Variants in PLEKHM3 observed in about 807,000 individuals in gnomAD.
PLEKHM3 encodes the protein pleckstrin homology domain-containing family M member 3.
Under a neutral mutation model 81.8 loss-of-function variants are expected in PLEKHM3, and 45 were observed. The ratio of observed to expected loss-of-function variants is 0.55; its 90% CI spans 0.43 to 0.71. PLEKHM3 has a LOEUF of 0.71. Ranked by LOEUF, PLEKHM3 falls within the 30% of genes least tolerant of loss-of-function variation. PLEKHM3 has a pLI of 0.00. For synonymous variants in PLEKHM3, 352 were observed against 356.4 expected (o/e 0.99, Z 0.14); for missense variants, 788 against 924.3 (o/e 0.85, Z 1.91).
chr2:207,907,291 C>T (rs1053571487), intron 6 of PLEKHM3, among the ~76,000 whole-genome samples: 1 of 152,116 alleles, frequency 6.6e-6, no homozygotes, highest in Non-Finnish European at 1.5e-5. Context: ...CACTTGAGGT[C>T]AGGAGTTCGA....
At chr2:207,909,361 C>T (rs1484408470) in intron 5 of PLEKHM3, among the ~76,000 whole-genome samples, 1 of 152,164 alleles carries the variant, frequency 6.6e-6, no homozygotes, top group Non-Finnish European at 1.5e-5. Context: ...AAACCCAAAA[C>T]AAAATCCATG....
chr2:207,919,967 CGCACACACACAT>C (rs1487032036), intron 5 of PLEKHM3, among the ~76,000 whole-genome samples: 6 of 152,018 alleles, frequency 3.9e-5, no homozygotes, highest in African/African-American at 1.5e-4. Flanking sequence ...CACACACACA[CGCACACACACAT>C]TTTTTTCTGG....
intron 4 of PLEKHM3, among the ~76,000 whole-genome samples, chr2:207,944,983 T>C (rs75599638): frequency 0.031 from 4,665 of 152,316 alleles, 208 homozygotes; most frequent in African/African-American, 0.1. Context: ...AAGAGTTGTC[T>C]ATTCTTGTTT....
chr2:208,005,201 T>C (rs1291803431), intron 1 of PLEKHM3, among the ~76,000 whole-genome samples: 2 of 152,370 alleles, frequency 1.3e-5, no homozygotes, highest in East Asian at 1.9e-4. Flanking sequence ...GTTTCCTCTA[T>C]GTAACATCTC....
chr2:207,902,238 G>A (rs986788860), intron 6 of PLEKHM3, among the ~76,000 whole-genome samples: 3 of 152,166 alleles, frequency 2.0e-5, no homozygotes, highest in Non-Finnish European at 4.4e-5. Context: ...GCCCACTTAG[G>A]CTCGGCCTTT....
intron 5 of PLEKHM3, among the ~76,000 whole-genome samples, chr2:207,915,909 G>A (rs1688977500): frequency 6.6e-6 from 1 of 152,126 alleles, no homozygotes; most frequent in African/African-American, 2.4e-5. Context: ...ACTGAAATCA[G>A]CAAAAAGCAC....
intron 2 of PLEKHM3, among the ~76,000 whole-genome samples, chr2:207,992,570 A>C (rs1470496248): frequency 6.6e-6 from 1 of 152,172 alleles, no homozygotes; most frequent in Non-Finnish European, 1.5e-5. Flanking sequence ...CACAGAATTC[A>C]ACCTTCCATG....
intron 6 of PLEKHM3, among the ~76,000 whole-genome samples, chr2:207,880,752 G>T (rs2092584903): frequency 2.3e-4 from 1 of 4,396 alleles, no homozygotes. Context: ...GACACAGCGA[G>T]ACTCTGTCTC....
intron 6 of PLEKHM3, among the ~76,000 whole-genome samples, chr2:207,872,043 G>A (rs1351540908): frequency 2.0e-5 from 3 of 152,116 alleles, no homozygotes; most frequent in Admixed American, 2.0e-4. Context: ...TAATATATGA[G>A]AAAACTGAGC....
chr2:207,976,608 G>C lies in PLEKHM3; in HGVS notation c.1546+43C>G, dbSNP rs1691316130. On this transcript the variant is annotated intron_variant, in intron 3 of 7. Transcript: ENST00000427836. The surrounding 1 kb of genome is among the most constrained non-coding windows in gnomAD (Gnocchi z 4.1). Reference sequence around the variant, plus strand: ...AGTGAATTCCAATTGTGGGGTTCAGGATTGTTCTTTAATGAGCTATAGGCT... The same window carrying C: ...AGTGAATTCCAATTGTGGGGTTCAGCATTGTTCTTTAATGAGCTATAGGCT... 1 of 1,555,538 alleles carries C rather than the reference G, an allele frequency of 6.4e-7. No homozygotes were observed. Among genetic ancestry groups the C allele is most frequent in the Non-Finnish European group, 8.7e-7 (1 of 1,144,784 alleles).
chr2:207,948,630 G>A (rs1368319206), intron 3 of PLEKHM3, among the ~76,000 whole-genome samples: 2 of 148,392 alleles, frequency 1.3e-5, no homozygotes, highest in Non-Finnish European at 3.0e-5. Context: ...TGCAACCTCC[G>A]CGTCCCGCGC....
At chr2:207,906,623 T>C (rs368035859) in intron 6 of PLEKHM3, among the ~76,000 whole-genome samples, 91 of 152,162 alleles carry the variant, frequency 6.0e-4, no homozygotes, top group Non-Finnish European at 1.9e-4. Flanking sequence ...ACCCCGTCTC[T>C]AGTAAAAATG....
At chr2:207,917,768 T>C (rs1689043286) in intron 5 of PLEKHM3, among the ~76,000 whole-genome samples, 1 of 152,040 alleles carries the variant, frequency 6.6e-6, no homozygotes, top group South Asian at 2.1e-4. Flanking sequence ...TTGTTTGAGC[T>C]TGGGAGGTCG....
chr2:207,865,404 C>A (rs2092489975), intron 6 of PLEKHM3, among the ~76,000 whole-genome samples: 1 of 152,066 alleles, frequency 6.6e-6, no homozygotes. Flanking sequence ...ATTCCACTAA[C>A]CCTCTGAAAA....
At chr2:207,988,160 C>T (rs985998992) in intron 2 of PLEKHM3, among the ~76,000 whole-genome samples, 5 of 152,166 alleles carry the variant, frequency 3.3e-5, no homozygotes, top group African/African-American at 9.7e-5. Flanking sequence ...CCTAATTCCA[C>T]GGTCTCTTTC....
chr2:207,973,528 C>T (rs1048173879), intron 3 of PLEKHM3, among the ~76,000 whole-genome samples: 2 of 152,118 alleles, frequency 1.3e-5, no homozygotes, highest in South Asian at 2.1e-4. Flanking sequence ...CACCTGAGGT[C>T]GGGAGTTTGA....
chr2:207,988,209 T>C (rs1270591648), intron 2 of PLEKHM3, among the ~76,000 whole-genome samples: 1 of 152,226 alleles, frequency 6.6e-6, no homozygotes, highest in African/African-American at 2.4e-5. Context: ...TATAAGATGC[T>C]TGGCTTCACT....
chr2:207,901,341 C>A lies in PLEKHM3; in HGVS notation c.1950+7173G>T, dbSNP rs1452905087. The A allele has an allele frequency of 1.1e-5, 8 of 702,904 alleles. No individual in the cohort carries two copies. In the Admixed American group the frequency reaches 1.4e-4, roughly 12 times the overall value. The allele number at this position is 702,904 out of a possible 1,614,324, so 43.5% of individuals were successfully genotyped here. On this transcript the variant is annotated intron_variant, in intron 6 of 7. Transcript: ENST00000427836. ...CAGAAAAGTCAGCTTGCATAAAGAA[C>A]AATCTGCACCAGCACCTTGCTAATC...
At position 208,001,523 on chromosome 2, in the gene PLEKHM3, G is replaced by A; in HGVS notation, c.117C>T (p.Ile39=). The stretch of plus-strand genomic sequence containing the variant: ...GCCCCACCAGTTCAGGGACTTCCTG[G>A]ATCCCATAAACCTCTGCCTGCTGCA... ...KAVQQAEVYG[I]QEVPELVGHE... The change falls in exon 2 of 8, where the codon ATC becomes ATT. Residue 39 remains isoleucine (I), a synonymous_variant. Transcript: ENST00000427836. 1 of 1,614,128 alleles carries A rather than the reference G, an allele frequency of 6.2e-7. No homozygotes were observed. Among genetic ancestry groups the A allele is most frequent in the Non-Finnish European group, 8.5e-7 (1 of 1,180,020 alleles).
Sources: allele counts gnomAD v4.1 joint callset (sites outside exome capture counted in the v4.1 genomes callset), GRCh38; gene constraint gnomAD v4.1.1; non-coding constraint Gnocchi (gnomAD v3.1); transcripts MANE v1.5; gene names NCBI Gene and HGNC (gene_info 2026-07-23, HGNC 2026-07-21).